The following PKP4 variants were observed in gnomAD, a reference collection of about 807,000 sequenced individuals.
The protein encoded by PKP4 is plakophilin-4.
Under a neutral mutation model 145.1 loss-of-function variants are expected in PKP4, and 90 were observed. The ratio of observed to expected loss-of-function variants is 0.62; its 90% CI spans 0.52 to 0.74. The LOEUF is 0.74. PKP4 is among the 30% of genes least tolerant of loss of function. PKP4 has a pLI of 0.00. For missense variants in PKP4, 1,340 were observed against 1,482.7 expected, an observed-to-expected ratio of 0.90 and a Z score of 1.58; for synonymous variants, 563 against 577.2, an observed-to-expected ratio of 0.98 and a Z score of 0.35.
At chr2:158,491,211 C>T (rs1574077031) in intron 1 of PKP4, among the ~76,000 whole-genome samples, 1 of 152,128 alleles carries the variant, frequency 6.6e-6, no homozygotes, top group Admixed American at 6.5e-5. Flanking sequence ...TCCTCACCAT[C>T]GTAAAAAGGG....
intron 2 of PKP4, among the ~76,000 whole-genome samples, chr2:158,559,766 A>C (rs1474591731): frequency 1.3e-5 from 2 of 152,172 alleles, no homozygotes; most frequent in African/African-American, 4.8e-5. Context: ...GGAATTTCTT[A>C]AAAGAGTAAT....
At chr2:158,547,362 G>T (rs2045163372) in intron 2 of PKP4, among the ~76,000 whole-genome samples, 1 of 152,146 alleles carries the variant, frequency 6.6e-6, no homozygotes, top group African/African-American at 2.4e-5. Flanking sequence ...ATGCACCATG[G>T]ATGAATCTCA....
chr2:158,534,449 A>G (rs2043857100), intron 2 of PKP4, among the ~76,000 whole-genome samples: 1 of 152,216 alleles, frequency 6.6e-6, no homozygotes, highest in Non-Finnish European at 1.5e-5. Flanking sequence ...GATGCAAGAT[A>G]TAGTCAGTAC....
intron 17 of PKP4, among the ~76,000 whole-genome samples, chr2:158,670,334 G>A (rs1448481830): frequency 6.6e-6 from 1 of 152,162 alleles, no homozygotes; most frequent in Non-Finnish European, 1.5e-5. Context: ...CCTTTCAGCT[G>A]TCCTTGCACG....
At chr2:158,640,247 G>A (rs937898025) in intron 9 of PKP4, among the ~76,000 whole-genome samples, 9 of 152,200 alleles carry the variant, frequency 5.9e-5, no homozygotes, top group Non-Finnish European at 1.0e-4. Context: ...TCTCCCTTCA[G>A]GCATGACATC....
intron 15 of PKP4, among the ~76,000 whole-genome samples, chr2:158,664,461 G>GTA (rs946929769): frequency 9.9e-5 from 15 of 152,178 alleles, no homozygotes; most frequent in African/African-American, 3.6e-4. Flanking sequence ...TCAACCTCTA[G>GTA]TAATTTCTTG....
At chr2:158,598,775 T>A (rs1405761335) in intron 3 of PKP4, among the ~76,000 whole-genome samples, 2 of 151,978 alleles carry the variant, frequency 1.3e-5, no homozygotes, top group Non-Finnish European at 2.9e-5. Context: ...TCAAAAAAAA[T>A]AAAAATATTC....
At chr2:158,679,914 A>G (rs1015512054) in intron 21 of PKP4, among the ~76,000 whole-genome samples, 1 of 152,242 alleles carries the variant, frequency 6.6e-6, no homozygotes, top group African/African-American at 2.4e-5. Context: ...TACATCTTTT[A>G]AAATGTAGGG....
chr2:158,523,766 C>G (rs1351820570), intron 1 of PKP4, among the ~76,000 whole-genome samples: 2 of 114,178 alleles, frequency 1.8e-5, no homozygotes, highest in Non-Finnish European at 3.4e-5. Flanking sequence ...ACTAGAATAA[C>G]CAATACAGAG....
At chr2:158,566,549 A>T (rs2047006152) in intron 2 of PKP4, among the ~76,000 whole-genome samples, 1 of 151,916 alleles carries the variant, frequency 6.6e-6, no homozygotes, top group Non-Finnish European at 1.5e-5. Context: ...TTAAGGTTTA[A>T]AGTAATAGCT....
chr2:158,649,528 G>A (rs756585023), intron 11 of PKP4, among the ~76,000 whole-genome samples: 8 of 152,180 alleles, frequency 5.3e-5, no homozygotes, highest in Non-Finnish European at 7.3e-5. Flanking sequence ...TAAAGCTTCA[G>A]TTTGCTTAGG....
chr2:158,610,493 T>C (rs542890797), intron 4 of PKP4, among the ~76,000 whole-genome samples: 1 of 152,354 alleles, frequency 6.6e-6, no homozygotes, highest in East Asian at 1.9e-4. Context: ...CTATACAGAA[T>C]CTTTTTCTTT....
intron 7 of PKP4, 59 bp from the exon 8 acceptor site, chr2:158,631,694 T>C (rs1467434019): frequency 2.1e-6 from 3 of 1,413,760 alleles, no homozygotes; most frequent in Admixed American, 1.7e-5. Flanking sequence ...TTAGGGTTTA[T>C]GTTTTTAACC....
chr2:158,656,932 G>C (rs2528587), intron 11 of PKP4, among the ~76,000 whole-genome samples: 105,386 of 151,992 alleles, frequency 0.69, 38,605 homozygotes, highest in East Asian at 0.92. Context: ...GTGACAGCTG[G>C]AGCAGCAGTG....
chr2:158,551,157 C>G (rs1690481364), intron 2 of PKP4, among the ~76,000 whole-genome samples: 1 of 152,160 alleles, frequency 6.6e-6, no homozygotes, highest in African/African-American at 2.4e-5. Flanking sequence ...TAGTAAGAAT[C>G]CTATCAGACC....
At chr2:158,463,528 A>G (rs1200643078) in intron 1 of PKP4, among the ~76,000 whole-genome samples, 1 of 152,176 alleles carries the variant, frequency 6.6e-6, no homozygotes, top group East Asian at 1.9e-4. Flanking sequence ...ACAGTGGTTA[A>G]ATAGATATCA....
chr2:158,557,383 T>TG (rs2046187706), intron 2 of PKP4, among the ~76,000 whole-genome samples: 1 of 152,184 alleles, frequency 6.6e-6, no homozygotes, highest in South Asian at 2.1e-4. Flanking sequence ...GTTGTATGAA[T>TG]GAATGAGCTG....
chr2:158,465,529 A>G (rs1286933109), intron 1 of PKP4, among the ~76,000 whole-genome samples: 2 of 151,926 alleles, frequency 1.3e-5, no homozygotes, highest in African/African-American at 4.8e-5. Context: ...TCTTATTTTT[A>G]TTTTTCATGC....
At chr2:158,636,511 ACCTGCTTAG>A (rs2053823523) in intron 9 of PKP4, among the ~76,000 whole-genome samples, 1 of 152,004 alleles carries the variant, frequency 6.6e-6, no homozygotes, top group South Asian at 2.1e-4. Context: ...TTTGCATTTA[ACCTGCTTAG>A]GGTTCACTGA....
Sources: allele counts gnomAD v4.1 joint callset (sites outside exome capture counted in the v4.1 genomes callset), GRCh38; gene constraint gnomAD v4.1.1; transcripts MANE v1.5; gene names NCBI Gene and HGNC (gene_info 2026-07-23, HGNC 2026-07-21).